Variants in FNDC3B observed in about 807,000 individuals in gnomAD.
FNDC3B encodes fibronectin type III domain-containing protein 3B.
Under a neutral mutation model 151.5 loss-of-function variants are expected in FNDC3B, and 12 were observed. That is an observed-to-expected ratio of 0.08 (90% confidence interval 0.05 to 0.13). The LOEUF is 0.13. Ranked by LOEUF, FNDC3B falls within the 10% of genes least tolerant of loss-of-function variation. The pLI, the probability that FNDC3B is intolerant of heterozygous loss-of-function variation, is 1.00. For missense variants in FNDC3B, 1,214 were observed against 1,505.3 expected (o/e 0.81, Z 3.20); for synonymous variants, 528 against 549.0 (o/e 0.96, Z 0.54).
intron 6 of FNDC3B, among the ~76,000 whole-genome samples, chr3:172,268,449 A>G (rs1278905195): frequency 1.3e-5 from 2 of 152,204 alleles, no homozygotes; most frequent in African/African-American, 4.8e-5. Flanking sequence ...GTGGGGGAAA[A>G]AGTGTTTTGG....
At chr3:172,213,889 C>T (rs2108717720) in intron 3 of FNDC3B, among the ~76,000 whole-genome samples, 1 of 152,262 alleles carries the variant, frequency 6.6e-6, no homozygotes. Context: ...TTTGATTTGT[C>T]TCAGGCCCCC....
chr3:172,085,598 C>T (rs1559959180), intron 1 of FNDC3B, among the ~76,000 whole-genome samples: 1 of 152,188 alleles, frequency 6.6e-6, no homozygotes, highest in African/African-American at 2.4e-5. Flanking sequence ...CCACTTCACT[C>T]ATCGACATTG....
chr3:172,157,323 A>G (rs1722541027), intron 3 of FNDC3B, among the ~76,000 whole-genome samples: 1 of 152,098 alleles, frequency 6.6e-6, no homozygotes. Context: ...AATAATCATG[A>G]ATTTTTAAGG....
chr3:172,218,675 T>A (rs369659245), intron 3 of FNDC3B, among the ~76,000 whole-genome samples: 1 of 152,234 alleles, frequency 6.6e-6, no homozygotes, highest in East Asian at 1.9e-4. Flanking sequence ...GCAGCTGTCA[T>A]CCCTTTTGGT....
At chr3:172,303,216 A>G (rs9814025) in intron 9 of FNDC3B, among the ~76,000 whole-genome samples, 36,343 of 152,010 alleles carry the variant, frequency 0.24, 4,582 homozygotes, top group South Asian at 0.44. Context: ...AACAATTTAT[A>G]TCTTTATCAG....
intron 4 of FNDC3B, among the ~76,000 whole-genome samples, chr3:172,229,998 T>C (rs946300646): frequency 6.6e-6 from 1 of 152,050 alleles, no homozygotes; most frequent in Non-Finnish European, 1.5e-5. Flanking sequence ...TCACATCATA[T>C]GCAAAAATTA....
chr3:172,226,977 C>A lies in FNDC3B; in HGVS notation c.264+30C>A, dbSNP rs747473310. ...TCCATTTGATGGACTTCTCTACTCACTATGGACACTGTCGTTGCTCCAACA... is the reference window on the plus strand; with the variant it reads ...TCCATTTGATGGACTTCTCTACTCAATATGGACACTGTCGTTGCTCCAACA... On this transcript the variant is annotated intron_variant, in intron 4 of 25. Transcript: ENST00000415807. 9 of 1,372,468 alleles carry A rather than the reference C, an allele frequency of 6.6e-6. No homozygotes were observed. In the Admixed American group the frequency reaches 1.5e-4, roughly 23 times the overall value. The allele number at this position is 1,372,468 out of a possible 1,614,324, so 85.0% of individuals were successfully genotyped here. A position where few individuals can be genotyped will look rare whatever the true frequency, so the allele number is the denominator to read the frequency against.
chr3:172,337,311 A>C lies in FNDC3B; in HGVS notation c.1781-19A>C, dbSNP rs56106326. The C allele has an allele frequency of 0.08, 123,070 of 1,539,114 alleles. 5,350 individuals carry two copies. The highest frequency in any genetic ancestry group is 0.11 in the Middle Eastern group (638 of 5,918). On this transcript the variant is annotated intron_variant, in intron 15 of 25. Transcript: ENST00000415807. ...TCAATATCCTTTTATTGCTAATAAG[A>C]CATTTGGTTATTTTCCAGATCCCCC...
intron 3 of FNDC3B, among the ~76,000 whole-genome samples, chr3:172,134,805 T>C (rs1460423954): frequency 6.6e-6 from 1 of 152,150 alleles, no homozygotes; most frequent in East Asian, 1.9e-4. Flanking sequence ...TCTTTGGAAT[T>C]CTAAATCATT....
At chr3:172,132,752 T>A (rs1015136286) in intron 2 of FNDC3B, among the ~76,000 whole-genome samples, 4 of 152,200 alleles carry the variant, frequency 2.6e-5, no homozygotes, top group Admixed American at 6.5e-5. Context: ...TAGATATCAA[T>A]TAGTGATTTT....
intron 3 of FNDC3B, among the ~76,000 whole-genome samples, chr3:172,134,746 T>C (rs1392665484): frequency 6.6e-6 from 1 of 152,162 alleles, no homozygotes; most frequent in African/African-American, 2.4e-5. Context: ...TTAATCACTT[T>C]TATTAATGAT....
intron 22 of FNDC3B, among the ~76,000 whole-genome samples, chr3:172,357,785 G>A (rs1164621309): frequency 6.6e-6 from 1 of 151,668 alleles, no homozygotes; most frequent in Non-Finnish European, 1.5e-5. Context: ...AATAATTAAT[G>A]TTAGTTCAGT....
intron 3 of FNDC3B, among the ~76,000 whole-genome samples, chr3:172,176,934 A>G (rs1467114247): frequency 1.3e-5 from 2 of 152,080 alleles, no homozygotes; most frequent in Non-Finnish European, 2.9e-5. Context: ...CAGTGTGGGG[A>G]TCAGTGGATG....
intron 3 of FNDC3B, among the ~76,000 whole-genome samples, chr3:172,160,395 A>G (rs537172203): frequency 6.6e-6 from 1 of 152,030 alleles, no homozygotes; most frequent in East Asian, 1.9e-4. Flanking sequence ...CATTTTCATC[A>G]CCAGCCTGCT....
At chr3:172,166,561 G>C (rs1406567300) in intron 3 of FNDC3B, among the ~76,000 whole-genome samples, 1 of 152,070 alleles carries the variant, frequency 6.6e-6, no homozygotes, top group Non-Finnish European at 1.5e-5. Context: ...GAATAATTAC[G>C]ACCATCTAAG....
chr3:172,061,817 G>A (rs1717213229), intron 1 of FNDC3B, among the ~76,000 whole-genome samples: 1 of 152,200 alleles, frequency 6.6e-6, no homozygotes, highest in African/African-American at 2.4e-5. Context: ...CAGCGGACAG[G>A]AAATGGTTAT....
intron 1 of FNDC3B, among the ~76,000 whole-genome samples, chr3:172,056,221 T>TA (rs1560385756): frequency 7.2e-5 from 11 of 152,082 alleles, no homozygotes; most frequent in Non-Finnish European, 1.3e-4. Context: ...CTTTTTTTTT[T>TA]TAAAAAATGT....
chr3:172,369,715 C>G (rs1417464781), intron 23 of FNDC3B, among the ~76,000 whole-genome samples: 2 of 152,266 alleles, frequency 1.3e-5, no homozygotes, highest in South Asian at 2.1e-4. Context: ...GGGACTCTTG[C>G]CAACATCAAA....
chr3:172,335,992 A>G (rs1210407413), intron 15 of FNDC3B, among the ~76,000 whole-genome samples: 5 of 152,210 alleles, frequency 3.3e-5, no homozygotes, highest in Admixed American at 6.5e-5. Flanking sequence ...AATGATAAAA[A>G]TCTAGATGTG....
Sources: gnomAD v4.1 joint callset for allele counts (sites outside exome capture counted in the v4.1 genomes callset) on GRCh38, gnomAD v4.1.1 for gene constraint, MANE v1.5 for transcripts, NCBI Gene and HGNC (gene_info 2026-07-23, HGNC 2026-07-21) for gene names.